TICAM2: variants seen among roughly 807,000 people sequenced by gnomAD.
TICAM2 encodes TIR domain-containing adapter molecule 2.
TICAM2 carries 8 observed loss-of-function variants against 7.3 expected under a neutral mutation model. The observed-to-expected ratio is 1.10, with a 90% CI of 0.65 to 1.99. The LOEUF (loss-of-function observed/expected upper bound fraction) is 1.99, where lower values mean the gene tolerates loss of function less well. Ranked by LOEUF, TICAM2 falls within the 30% of genes most tolerant of loss-of-function variation. TICAM2 has a pLI of 0.00. For synonymous variants in TICAM2, 113 were observed against 99.6 expected (o/e 1.13, Z -0.80); for missense variants, 304 against 278.8 (o/e 1.09, Z -0.65).
At chr5:115,587,781 G>A (rs941953802) in intron 1 of TICAM2, among the ~76,000 whole-genome samples, 3 of 152,164 alleles carry the variant, frequency 2.0e-5, no homozygotes, top group African/African-American at 7.2e-5. Flanking sequence ...ACTTGCACAT[G>A]TAGGTCTGGG....
intron 1 of TICAM2, among the ~76,000 whole-genome samples, chr5:115,582,322 ATTTTTTTTTTTTTTGGT>A (rs1754956574): frequency 1.5e-5 from 2 of 130,434 alleles, no homozygotes; most frequent in East Asian, 2.2e-4. Flanking sequence ...CACCTGGCTA[ATTTTTTTTTTTTTTGGT>A]TTTTTTTTTT....
rs1754904904 is a variant in TICAM2 at position 115,581,074 on chromosome 5, T to G, written c.183A>C (p.Gly61=). Residue 61 remains glycine, a synonymous_variant, in exon 2 of 2, where the codon GGA becomes GGC. Coordinates refer to ENST00000427199, the MANE Select transcript of TICAM2 (RefSeq NM_021649.7). ...TTEGPTGKQE[G]AQSVEEMFEE... ...CAAACATCTCTTCCACGCTCTGAGCTCCCTCCTGCTTTCCTGTTGGCCCCT... is the reference window on the plus strand; with the variant it reads ...CAAACATCTCTTCCACGCTCTGAGCGCCCTCCTGCTTTCCTGTTGGCCCCT... 7 of 1,614,148 alleles carry G rather than the reference T, an allele frequency of 4.3e-6. No individual in the cohort carries two copies. Among genetic ancestry groups the G allele is most frequent in the Non-Finnish European group, 5.9e-6 (7 of 1,180,014 alleles).
intron 1 of TICAM2, among the ~76,000 whole-genome samples, chr5:115,586,736 A>T (rs879359761): frequency 6.6e-6 from 1 of 152,208 alleles, no homozygotes; most frequent in Admixed American, 6.5e-5. Context: ...AAATATATGT[A>T]AAATCAAGAT....
chr5:115,582,069 G>C (rs895619741), intron 1 of TICAM2: 4 of 152,154 alleles, frequency 2.6e-5, no homozygotes, highest in African/African-American at 9.7e-5. Context: ...TAGAAACAAA[G>C]ACTTGAGACT....
In TICAM2 at chr5:115,580,528, C is replaced by T; in HGVS notation, c.*21G>A. 1 of 1,551,104 alleles carries T rather than the reference C, an allele frequency of 6.4e-7. No homozygotes were observed. ...ATTTGGTTTACAAAACAAGAGCCAG[C>T]CACATGTTATATGTTTCATCTCAGG... On this transcript the variant is annotated 3_prime_UTR_variant, in exon 2 of 2. Transcript: ENST00000427199.
intron 1 of TICAM2, among the ~76,000 whole-genome samples, chr5:115,596,915 T>C (rs1250538142): frequency 6.6e-6 from 1 of 151,924 alleles, no homozygotes; most frequent in East Asian, 1.9e-4. Flanking sequence ...TGAGACTCCG[T>C]CTCAAAAACA....
rs981360039 is a variant in TICAM2 at position 115,601,402 on chromosome 5, T to C, written c.-60+695A>G. 4.6e-5 allele frequency among the ~76,000 whole-genome samples: 7 copies of C among 152,070 alleles called. No homozygotes were observed. In the East Asian group the frequency reaches 7.7e-4, roughly 17 times the overall value. ...ATCAGGCTTGTTTGAAAAACACTAA[T>C]CTAAGGAATACTAAACACTTGGAGA... On this transcript the variant is annotated intron_variant, in intron 1 of 1. Coordinates refer to ENST00000427199, the MANE Select transcript of TICAM2 (RefSeq NM_021649.7).
chr5:115,587,464 A>AACTAGGCT (rs1221961787), intron 1 of TICAM2, among the ~76,000 whole-genome samples: 1 of 152,186 alleles, frequency 6.6e-6, no homozygotes, highest in Non-Finnish European at 1.5e-5. Context: ...TTTGTAAAGA[A>AACTAGGCT]ACTAGGCTAC....
At chr5:115,591,006 G>A (rs952603591) in intron 1 of TICAM2, among the ~76,000 whole-genome samples, 1 of 152,042 alleles carries the variant, frequency 6.6e-6, no homozygotes, top group African/African-American at 2.4e-5. Context: ...TTCTAGTACT[G>A]GTGGACTAGG....
intron 1 of TICAM2, among the ~76,000 whole-genome samples, chr5:115,599,368 T>A (rs902209421): frequency 6.6e-6 from 1 of 152,166 alleles, no homozygotes; most frequent in Non-Finnish European, 1.5e-5. Flanking sequence ...CCATTTTCTG[T>A]ATCTAAAAAT....
chr5:115,589,733 G>C (rs1260094465), intron 1 of TICAM2, among the ~76,000 whole-genome samples: 1 of 152,138 alleles, frequency 6.6e-6, no homozygotes, highest in African/African-American at 2.4e-5. Context: ...TTATTTATGT[G>C]AATGGTTATC....
At chr5:115,589,391 C>T (rs962356960) in intron 1 of TICAM2, among the ~76,000 whole-genome samples, 2 of 152,210 alleles carry the variant, frequency 1.3e-5, no homozygotes, top group Non-Finnish European at 2.9e-5. Flanking sequence ...AAAATCCCAA[C>T]TAGGGTAATA....
intron 1 of TICAM2, among the ~76,000 whole-genome samples, chr5:115,582,694 G>A (rs570282130): frequency 6.6e-6 from 1 of 152,304 alleles, no homozygotes; most frequent in African/African-American, 2.4e-5. Context: ...ACTTTCAAAT[G>A]TGAGCCACAG....
chr5:115,580,636 T>A lies in TICAM2; in HGVS notation c.621A>T (p.Glu207Asp), dbSNP rs370412026. Residue 207 changes from glutamate to aspartate, a missense_variant, in exon 2 of 2, where the codon GAA becomes GAT. Coordinates refer to ENST00000427199, the MANE Select transcript of TICAM2 (RefSeq NM_021649.7). ...TATACACAGACTCCTGAAAAATTCT[T>A]TCTACTTGTGTAGGAAATCCACGAC... ...EESRGFPTQV[E>D]RIFQESVYKT... 10 of 1,586,532 alleles carry A rather than the reference T, an allele frequency of 6.3e-6. No homozygotes were observed. The African/African-American group carries it at 1.1e-4, about 17-fold the overall frequency.
chr5:115,591,511 A>G (rs1033890021), intron 1 of TICAM2, among the ~76,000 whole-genome samples: 3 of 152,260 alleles, frequency 2.0e-5, no homozygotes, highest in African/African-American at 7.2e-5. Flanking sequence ...AACTTTTATT[A>G]ATAACTGTGA....
Position 115,581,071 on chromosome 5 carries a change from AGCTCCCTCCT to A in TICAM2, c.176_185del (p.Gln59LeufsTer21). ...CTTCAAACATCTCTTCCACGCTCTGAGCTCCCTCCTGCTTTCCTGTTGGCCCCTCTGTTGT... is the reference window on the plus strand; with the variant it reads ...CTTCAAACATCTCTTCCACGCTCTGAGCTTTCCTGTTGGCCCCTCTGTTGT... On this transcript the variant is annotated frameshift_variant, in exon 2 of 2. Coordinates refer to ENST00000427199, the MANE Select transcript of TICAM2 (RefSeq NM_021649.7). LOFTEE classifies it high-confidence loss of function. 2 of 1,614,072 alleles carry A rather than the reference AGCTCCCTCCT, an allele frequency of 1.2e-6. No homozygotes were observed. The highest frequency in any genetic ancestry group is 1.7e-6 in the Non-Finnish European group (2 of 1,180,016).
intron 1 of TICAM2, among the ~76,000 whole-genome samples, chr5:115,582,558 C>T (rs1401472216): frequency 1.3e-5 from 2 of 152,060 alleles, no homozygotes; most frequent in African/African-American, 4.8e-5. Flanking sequence ...CCATGTGAAT[C>T]TAATTTAAAT....
intron 1 of TICAM2, among the ~76,000 whole-genome samples, chr5:115,592,492 T>A (rs1267842527): frequency 6.6e-6 from 1 of 152,202 alleles, no homozygotes; most frequent in East Asian, 1.9e-4. Flanking sequence ...CTATTCTTCC[T>A]AACCCTCTCT....
intron 1 of TICAM2, among the ~76,000 whole-genome samples, chr5:115,592,524 A>G (rs1419905537): frequency 6.6e-6 from 1 of 152,186 alleles, no homozygotes; most frequent in Non-Finnish European, 1.5e-5. Context: ...TTAAAGATAT[A>G]AATTCATAAT....
Sources: gnomAD v4.1 joint callset for allele counts (sites outside exome capture counted in the v4.1 genomes callset) on GRCh38, gnomAD v4.1.1 for gene constraint, MANE v1.5 for transcripts, NCBI Gene and HGNC (gene_info 2026-07-23, HGNC 2026-07-21) for gene names.